The following DENND2C variants were observed in gnomAD, a reference collection of about 807,000 sequenced individuals.
DENND2C encodes the protein DENN domain containing 2C, also known as DENN domain-containing protein 2C.
A neutral mutation model predicts 112.4 loss-of-function variants in DENND2C; 72 were observed. The ratio of observed to expected loss-of-function variants is 0.64; its 90% CI spans 0.53 to 0.78. The LOEUF (loss-of-function observed/expected upper bound fraction) is 0.78. Ranked by LOEUF, DENND2C falls within the 30% of genes least tolerant of loss-of-function variation. The pLI is 0.00. For synonymous variants in DENND2C, 329 were observed against 381.6 expected, an observed-to-expected ratio of 0.86 and a Z score of 1.61; for missense variants, 992 against 1,113.8, an observed-to-expected ratio of 0.89 and a Z score of 1.56.
intron 3 of DENND2C, among the ~76,000 whole-genome samples, chr1:114,640,297 T>G (rs1213328692): frequency 2.0e-5 from 3 of 152,218 alleles, no homozygotes; most frequent in African/African-American, 7.2e-5. Flanking sequence ...TATTTTTACT[T>G]TGAAAATCAG....
intron 3 of DENND2C, 145 bp downstream of exon 3, chr1:114,645,303 T>C (rs1656949989): frequency 6.6e-6 from 1 of 152,158 alleles, no homozygotes; most frequent in Admixed American, 6.6e-5. Context: ...ATGAGGTCAG[T>C]AGGGTGGGCC....
At chr1:114,628,142 CTAAATAAATAAA>C (rs577423809) in intron 3 of DENND2C, among the ~76,000 whole-genome samples, 1 of 151,320 alleles carries the variant, frequency 6.6e-6, no homozygotes, top group Non-Finnish European at 1.5e-5. Context: ...TTCATCTCTA[CTAAATAAATAAA>C]TAAATAAATA....
intron 2 of DENND2C, among the ~76,000 whole-genome samples, chr1:114,649,956 AT>A (rs1657107967): frequency 6.6e-6 from 1 of 152,128 alleles, no homozygotes; most frequent in South Asian, 2.1e-4. Context: ...TTTTAAGCAC[AT>A]TTTTATACAG....
intron 1 of DENND2C, 79 bp downstream of exon 1, chr1:114,669,904 A>G (rs114829951): frequency 0.027 from 4,058 of 152,436 alleles, 79 homozygotes; most frequent in Middle Eastern, 0.074. Flanking sequence ...CCCGACGCCC[A>G]GAAGGGTGAT....
chr1:114,625,101 G>A (rs1476269449), intron 4 of DENND2C, 78 bp downstream of exon 4: 1 of 1,407,150 alleles, frequency 7.1e-7, no homozygotes, highest in Non-Finnish European at 9.5e-7. Flanking sequence ...ATGGAAACTG[G>A]TTTGAAAAGG....
chr1:114,612,406 C>T (rs965241495), intron 8 of DENND2C, among the ~76,000 whole-genome samples: 2 of 149,402 alleles, frequency 1.3e-5, no homozygotes, highest in Non-Finnish European at 3.0e-5. Flanking sequence ...GGCTACAGTG[C>T]AGTGGCACAA....
intron 3 of DENND2C, among the ~76,000 whole-genome samples, chr1:114,626,510 CT>C (rs11412901): frequency 3.6e-3 from 438 of 122,832 alleles, no homozygotes; most frequent in Middle Eastern, 8.9e-3. Context: ...TAAATTAATT[CT>C]TTTTTTTTTT....
chr1:114,655,883 A>ATATATATGTAT (rs1557960847), intron 1 of DENND2C, among the ~76,000 whole-genome samples: 1 of 125,890 alleles, frequency 7.9e-6, no homozygotes, highest in Non-Finnish European at 1.8e-5. Context: ...TATATGTATA[A>ATATATATGTAT]ATATATATAT....
intron 6 of DENND2C, among the ~76,000 whole-genome samples, chr1:114,622,748 A>T (rs1477087895): frequency 6.6e-6 from 1 of 151,436 alleles, no homozygotes; most frequent in Non-Finnish European, 1.5e-5. Flanking sequence ...TGAAAAGTTC[A>T]TGGCTGTCTA....
chr1:114,633,891 T>TA (rs1656572052), intron 3 of DENND2C, among the ~76,000 whole-genome samples: 1 of 152,014 alleles, frequency 6.6e-6, no homozygotes, highest in African/African-American at 2.4e-5. Context: ...ATGCTGTTCA[T>TA]AAAAAAATGC....
At chr1:114,609,608 A>G (rs558411282) in intron 9 of DENND2C, among the ~76,000 whole-genome samples, 1 of 152,338 alleles carries the variant, frequency 6.6e-6, no homozygotes, top group South Asian at 2.1e-4. Flanking sequence ...CTAAATTTTG[A>G]GCAATCTGGG....
intron 3 of DENND2C, among the ~76,000 whole-genome samples, chr1:114,641,141 A>G (rs747586067): frequency 6.6e-6 from 1 of 151,960 alleles, no homozygotes; most frequent in Non-Finnish European, 1.5e-5. Context: ...AACAGAATAA[A>G]TCACTTTGGC....
Position 114,608,686 on chromosome 1 carries a change from C to T in DENND2C, c.1557G>A (p.Lys519=), listed in dbSNP as rs1482661457. The change falls in exon 10 of 21, where the codon AAG becomes AAA. Residue 519 remains lysine (K), a splice_region_variant and synonymous_variant. Transcript: ENST00000393274. The part of the protein sequence containing the change: ...IPQVIQQFPG[K]DDHGYKQSKD... ...TGCCTCTTGGCCTCCTTGTGCCTACCTTGCCAGGGAATTGTTGTATGACCT... is the reference window on the plus strand; with the variant it reads ...TGCCTCTTGGCCTCCTTGTGCCTACTTTGCCAGGGAATTGTTGTATGACCT... 1 of 1,612,976 alleles carries T rather than the reference C, an allele frequency of 6.2e-7. No individual in the cohort carries two copies. The highest frequency in any genetic ancestry group is 8.5e-7 in the Non-Finnish European group (1 of 1,179,432).
chr1:114,596,424 T>A (rs1483995147), intron 16 of DENND2C, among the ~76,000 whole-genome samples: 2 of 152,192 alleles, frequency 1.3e-5, no homozygotes, highest in Non-Finnish European at 2.9e-5. Context: ...GGAACCTGAT[T>A]TAAACAAATT....
At chr1:114,668,050 G>C (rs1341718399) in intron 1 of DENND2C, among the ~76,000 whole-genome samples, 1 of 152,052 alleles carries the variant, frequency 6.6e-6, no homozygotes, top group East Asian at 1.9e-4. Flanking sequence ...AGCCCACTTG[G>C]TAGAATGGAA....
chr1:114,603,004 A>G (rs1655556337), intron 11 of DENND2C, among the ~76,000 whole-genome samples: 1 of 152,276 alleles, frequency 6.6e-6, no homozygotes, highest in Non-Finnish European at 1.5e-5. Context: ...AAAGGATTAT[A>G]TCCTTAATAT....
At chr1:114,659,501 CAAACA>C (rs553924062) in intron 1 of DENND2C, among the ~76,000 whole-genome samples, 4 of 152,168 alleles carry the variant, frequency 2.6e-5, no homozygotes, top group Admixed American at 6.5e-5. Context: ...GACTCTGTCT[CAAACA>C]AAACAAAACA....
At chr1:114,668,740 G>A (rs1033772726) in intron 1 of DENND2C, among the ~76,000 whole-genome samples, 1 of 151,974 alleles carries the variant, frequency 6.6e-6, no homozygotes, top group Non-Finnish European at 1.5e-5. Context: ...GAACAAAAAC[G>A]TCTATAATAA....
At chr1:114,597,607 C>T in intron 16 of DENND2C, among the ~76,000 whole-genome samples, 1 of 152,030 alleles carries the variant, frequency 6.6e-6, no homozygotes, top group East Asian at 1.9e-4. Flanking sequence ...CATCGTGAAA[C>T]CCCGTCTCTA....
Sources: gnomAD v4.1 joint callset for allele counts (sites outside exome capture counted in the v4.1 genomes callset) on GRCh38, gnomAD v4.1.1 for gene constraint, MANE v1.5 for transcripts, NCBI Gene and HGNC (gene_info 2026-07-23, HGNC 2026-07-21) for gene names.